Variants in CSMD1 observed in about 807,000 individuals in gnomAD.
The protein encoded by CSMD1 is CUB and sushi domain-containing protein 1.
CSMD1 carries 213 observed loss-of-function variants against 417.5 expected under a neutral mutation model. The observed-to-expected ratio is 0.51, with a 90% CI of 0.46 to 0.57. The LOEUF (loss-of-function observed/expected upper bound fraction) is 0.57, where lower values mean the gene tolerates loss of function less well. Ranked by LOEUF, CSMD1 falls within the 20% of genes least tolerant of loss-of-function variation. The pLI is 0.00. For missense variants in CSMD1, 6,923 were observed against 4,529.7 expected (o/e 1.53, Z -15.17); for synonymous variants, 2,862 against 1,736.8 (o/e 1.65, Z -16.11).
chr8:3,129,929 C>G (rs1030399464), intron 41 of CSMD1, among the ~76,000 whole-genome samples: 3 of 151,772 alleles, frequency 2.0e-5, no homozygotes, highest in Admixed American at 1.3e-4. Context: ...TGCAGTGAGC[C>G]GAGATCGCGC....
chr8:3,490,940 A>G (rs566184900), intron 11 of CSMD1, among the ~76,000 whole-genome samples: 9 of 152,336 alleles, frequency 5.9e-5, no homozygotes, highest in African/African-American at 2.2e-4. Flanking sequence ...GCAGAAAAAT[A>G]GGATCCTTCA....
In CSMD1 at chr8:3,026,197, G is replaced by C. The variant is rs142271783; in HGVS notation, c.7855+3122C>G. 9.5e-4 allele frequency among the ~76,000 whole-genome samples: 144 copies of C among 152,286 alleles called. 1 individual carries two copies. The highest frequency in any genetic ancestry group is 3.2e-3 in the African/African-American group (133 of 41,558). On this transcript the variant is annotated intron_variant, in intron 51 of 69. Coordinates refer to ENST00000635120, the MANE Select transcript of CSMD1 (RefSeq NM_033225.6). Reference sequence around the variant, plus strand: ...ATTGGACTCAGGAGAGGGCCTGGTGGGGTGGGGGACAGAGGGCCAGGAGCT... The same window carrying C: ...ATTGGACTCAGGAGAGGGCCTGGTGCGGTGGGGGACAGAGGGCCAGGAGCT...
chr8:4,840,789 G>C (rs1298208745), intron 1 of CSMD1, among the ~76,000 whole-genome samples: 1 of 152,152 alleles, frequency 6.6e-6, no homozygotes. Flanking sequence ...ATGTCGTTAT[G>C]CACAGGGCTT....
chr8:3,314,230 C>T (rs949518712), intron 23 of CSMD1, among the ~76,000 whole-genome samples: 1 of 151,798 alleles, frequency 6.6e-6, no homozygotes. Flanking sequence ...TGTAACAAAC[C>T]CTAAAACTTA....
intron 46 of CSMD1, among the ~76,000 whole-genome samples, chr8:3,098,247 AATTT>A (rs1209812751): frequency 1.3e-5 from 2 of 152,184 alleles, no homozygotes; most frequent in Admixed American, 6.5e-5. Flanking sequence ...GCTTTTGTTA[AATTT>A]ATTTATTGAG....
chr8:4,012,867 T>C (rs1025107206), intron 4 of CSMD1, among the ~76,000 whole-genome samples: 4 of 152,150 alleles, frequency 2.6e-5, no homozygotes, highest in African/African-American at 9.7e-5. Flanking sequence ...ATGACTCTTC[T>C]ATGTCTCTCA....
At chr8:3,236,866 C>G (rs750218688) in intron 26 of CSMD1, among the ~76,000 whole-genome samples, 3 of 152,156 alleles carry the variant, frequency 2.0e-5, no homozygotes, top group Non-Finnish European at 2.9e-5. Flanking sequence ...AGCGCTGTTC[C>G]TGAGATTATG....
At chr8:3,815,540 G>GA (rs1384202016) in intron 5 of CSMD1, among the ~76,000 whole-genome samples, 3 of 148,486 alleles carry the variant, frequency 2.0e-5, no homozygotes, top group South Asian at 4.3e-4. Flanking sequence ...CAAAATAAAA[G>GA]AAAAAACTGT....
chr8:4,127,453 GAAAAAAAAA>G (rs199764792), intron 3 of CSMD1, among the ~76,000 whole-genome samples: 149 of 102,744 alleles, frequency 1.5e-3, no homozygotes, highest in African/African-American at 5.3e-3. Flanking sequence ...AAGCATTAAT[GAAAAAAAAA>G]AAAAAAAAAA....
chr8:3,493,490 C>G (rs1162615009), intron 11 of CSMD1, 133 bp downstream of exon 11: 12 of 623,380 alleles, frequency 1.9e-5, no homozygotes, highest in Non-Finnish European at 3.1e-5. Context: ...GATTGCAGGC[C>G]ACTACATTAG....
At chr8:3,694,240 T>A (rs1413401500) in intron 7 of CSMD1, among the ~76,000 whole-genome samples, 1 of 152,016 alleles carries the variant, frequency 6.6e-6, no homozygotes, top group Non-Finnish European at 1.5e-5. Context: ...CATAGCTCTG[T>A]CATGGAGTCC....
At chr8:4,276,069 C>T (rs1230677392) in intron 3 of CSMD1, among the ~76,000 whole-genome samples, 1 of 152,084 alleles carries the variant, frequency 6.6e-6, no homozygotes, top group African/African-American at 2.4e-5. Flanking sequence ...GTGACGATTC[C>T]TTAAGGATCT....
chr8:3,757,736 A>T (rs1181936057), intron 5 of CSMD1, among the ~76,000 whole-genome samples: 1 of 151,834 alleles, frequency 6.6e-6, no homozygotes, highest in African/African-American at 2.4e-5. Flanking sequence ...GTAATCCTAG[A>T]TAATCGGGAG....
intron 10 of CSMD1, 149 bp downstream of exon 10, chr8:3,574,796 G>T: frequency 1.3e-6 from 1 of 787,850 alleles, no homozygotes; most frequent in Non-Finnish European, 2.0e-6. Context: ...CAATGAATGT[G>T]GCATCTAGAC....
chr8:4,081,606 A>G (rs1800137358), intron 3 of CSMD1, among the ~76,000 whole-genome samples: 1 of 152,190 alleles, frequency 6.6e-6, no homozygotes, highest in Non-Finnish European at 1.5e-5. Context: ...TGCAGAATAC[A>G]TAAATTTTTT....
intron 2 of CSMD1, among the ~76,000 whole-genome samples, chr8:4,518,676 T>A (rs967580563): frequency 2.0e-5 from 3 of 148,386 alleles, no homozygotes; most frequent in African/African-American, 4.9e-5. Context: ...AAATGACGAG[T>A]TAACGGTGCA....
chr8:3,816,774 T>C (rs1376958372), intron 5 of CSMD1, among the ~76,000 whole-genome samples: 1 of 151,048 alleles, frequency 6.6e-6, no homozygotes, highest in Middle Eastern at 3.4e-3. Flanking sequence ...GTGTCAATAA[T>C]TTTTTTAAAA....
chr8:3,584,599 G>A (rs1800520496), intron 9 of CSMD1, among the ~76,000 whole-genome samples: 1 of 152,030 alleles, frequency 6.6e-6, no homozygotes, highest in African/African-American at 2.4e-5. Flanking sequence ...ATGAGAGTCA[G>A]GGCCAAGAAA....
chr8:3,570,147 C>A (rs1017828667), intron 10 of CSMD1, among the ~76,000 whole-genome samples: 1 of 152,140 alleles, frequency 6.6e-6, no homozygotes, highest in African/African-American at 2.4e-5. Context: ...TTTAAGAAAT[C>A]AAAGAACATA....
Sources: allele counts gnomAD v4.1 joint callset (sites outside exome capture counted in the v4.1 genomes callset), GRCh38; gene constraint gnomAD v4.1.1; transcripts MANE v1.5; gene names NCBI Gene and HGNC (gene_info 2026-07-23, HGNC 2026-07-21).